MACROD2: variants seen among roughly 807,000 people sequenced by gnomAD.
MACROD2 encodes the protein mono-ADP ribosylhydrolase 2, also known as ADP-ribose glycohydrolase MACROD2.
MACROD2 carries 36 observed loss-of-function variants against 70.4 expected under a neutral mutation model. The ratio of observed to expected loss-of-function variants is 0.51; its 90% CI spans 0.39 to 0.68. The LOEUF is 0.68. Among genes scored for constraint, MACROD2 ranks in the 30% least tolerant of loss-of-function variants. The pLI, the probability that MACROD2 is intolerant of heterozygous loss-of-function variation, is 0.00. For synonymous variants in MACROD2, 172 were observed against 178.8 expected (o/e 0.96, Z 0.30); for missense variants, 496 against 538.4 (o/e 0.92, Z 0.78).
chr20:15,007,597 GA>G (rs1369842249), intron 5 of MACROD2, among the ~76,000 whole-genome samples: 1 of 152,172 alleles, frequency 6.6e-6, no homozygotes, highest in Non-Finnish European at 1.5e-5. Flanking sequence ...AAGTTAAAGG[GA>G]TTTAATATAG....
chr20:15,184,063 G>A lies in MACROD2; in HGVS notation c.419-45877G>A, dbSNP rs1003457381. Among the ~76,000 whole-genome samples the A allele has an allele frequency of 5.3e-5, 8 of 150,388 alleles. No individual in the cohort carries two copies. In the South Asian group the frequency reaches 8.6e-4, roughly 16 times the overall value. On this transcript the variant is annotated intron_variant, in intron 5 of 17. Transcript: ENST00000684519. ...GATGCTACTCAGTCTGAATCATTCC[G>A]GATAGCGAATGTTTCAAGGAACCCT... is the stretch of plus-strand genomic sequence containing the variant.
chr20:15,619,243 G>T (rs970712332), intron 8 of MACROD2, among the ~76,000 whole-genome samples: 3 of 152,202 alleles, frequency 2.0e-5, no homozygotes, highest in Non-Finnish European at 4.4e-5. Context: ...CAAGAAGGAG[G>T]TTTGTTTTGG....
intron 5 of MACROD2, among the ~76,000 whole-genome samples, chr20:14,740,172 A>G (rs1398393692): frequency 1.3e-5 from 2 of 152,156 alleles, no homozygotes; most frequent in Non-Finnish European, 2.9e-5. Context: ...AGAATGGGCT[A>G]TTTATTATAT....
intron 8 of MACROD2, among the ~76,000 whole-genome samples, chr20:15,576,628 A>G (rs1352189499): frequency 6.7e-6 from 1 of 150,224 alleles, no homozygotes; most frequent in South Asian, 2.1e-4. Context: ...GGTGAGGCTC[A>G]CTCTGAATCT....
At chr20:15,941,085 A>T (rs1332789438) in intron 12 of MACROD2, among the ~76,000 whole-genome samples, 1 of 152,208 alleles carries the variant, frequency 6.6e-6, no homozygotes, top group Non-Finnish European at 1.5e-5. Flanking sequence ...AACTCACACC[A>T]TTAATTGCTT....
At chr20:14,123,589 C>G (rs2054610708) in intron 3 of MACROD2, among the ~76,000 whole-genome samples, 1 of 152,146 alleles carries the variant, frequency 6.6e-6, no homozygotes, top group Admixed American at 6.6e-5. Flanking sequence ...TAGATACCAG[C>G]CTACCTAACG....
At chr20:14,944,069 G>C (rs1317744426) in intron 5 of MACROD2, among the ~76,000 whole-genome samples, 1 of 152,094 alleles carries the variant, frequency 6.6e-6, no homozygotes, top group Non-Finnish European at 1.5e-5. Flanking sequence ...TCAGAATATA[G>C]AACAGTTTTA....
chr20:14,729,173 C>G (rs6034021), intron 5 of MACROD2, among the ~76,000 whole-genome samples: 141,020 of 152,164 alleles, frequency 0.93, 65,405 homozygotes, highest in East Asian at 1. Flanking sequence ...ATATGAATTT[C>G]ATCTGTTATT....
At chr20:16,023,188 G>A (rs1408758988) in intron 15 of MACROD2, among the ~76,000 whole-genome samples, 1 of 151,854 alleles carries the variant, frequency 6.6e-6, no homozygotes, top group Non-Finnish European at 1.5e-5. Context: ...TATAAGAGAT[G>A]GTGCCATCCG....
At chr20:15,157,464 A>G (rs2076317482) in intron 5 of MACROD2, among the ~76,000 whole-genome samples, 1 of 151,742 alleles carries the variant, frequency 6.6e-6, no homozygotes, top group Non-Finnish European at 1.5e-5. Flanking sequence ...TTCAGCCATA[A>G]AAATGGTTAT....
At chr20:14,967,555 G>A (rs1474234626) in intron 5 of MACROD2, among the ~76,000 whole-genome samples, 1 of 152,094 alleles carries the variant, frequency 6.6e-6, no homozygotes, top group Non-Finnish European at 1.5e-5. Context: ...TTATTTCTCA[G>A]TCTGTGTCTT....
chr20:14,638,905 G>A (rs1375657385), intron 4 of MACROD2, among the ~76,000 whole-genome samples: 2 of 150,620 alleles, frequency 1.3e-5, no homozygotes, highest in East Asian at 2.0e-4. Flanking sequence ...AGCCAAGATC[G>A]TGCCACAGCA....
rs185989667 is a variant in MACROD2, at chr20:15,052,468, A to G, written c.419-177472A>G. Among the ~76,000 whole-genome samples, 23 of 152,264 alleles carry G rather than the reference A, an allele frequency of 1.5e-4. No homozygotes were observed. The East Asian group carries it at 3.5e-3, about 23-fold the overall frequency. On this transcript the variant is annotated intron_variant, in intron 5 of 17. Transcript: ENST00000684519. ...TTTTGATAATTCTCTCAATATCTCA[A>G]ACTTTTTTGTTATTCTTATCTATTT...
intron 3 of MACROD2, chr20:14,325,607 G>A (rs371199834): frequency 1.2e-6 from 2 of 1,613,344 alleles, no homozygotes; most frequent in Non-Finnish European, 1.7e-6. Context: ...CTGTAGCTTC[G>A]GTTACTACTG....
At chr20:14,881,176 G>A (rs1008405597) in intron 5 of MACROD2, among the ~76,000 whole-genome samples, 4 of 151,768 alleles carry the variant, frequency 2.6e-5, no homozygotes, top group Non-Finnish European at 5.9e-5. Context: ...GCCCTTGTCA[G>A]TGGGATCTTC....
At chr20:15,966,244 G>A (rs1269059115) in intron 12 of MACROD2, among the ~76,000 whole-genome samples, 1 of 152,152 alleles carries the variant, frequency 6.6e-6, no homozygotes, top group Non-Finnish European at 1.5e-5. Context: ...CACAAATTCA[G>A]TAGAGAACAC....
chr20:15,228,234 A>G (rs1261163618), intron 5 of MACROD2, among the ~76,000 whole-genome samples: 1 of 152,018 alleles, frequency 6.6e-6, no homozygotes, highest in East Asian at 1.9e-4. Context: ...CTTCACTTCT[A>G]TATTGTAGTG....
chr20:14,195,363 A>G (rs1285299600), intron 3 of MACROD2, among the ~76,000 whole-genome samples: 1 of 151,912 alleles, frequency 6.6e-6, no homozygotes, highest in Non-Finnish European at 1.5e-5. Flanking sequence ...TGTCCCTCTG[A>G]TACAGAAATG....
chr20:15,689,669 G>C (rs1252904028), intron 8 of MACROD2, among the ~76,000 whole-genome samples: 7 of 152,158 alleles, frequency 4.6e-5, no homozygotes, highest in African/African-American at 1.7e-4. Context: ...AGTGAGCCCT[G>C]GGGGAGGAGT....
Sources: allele counts gnomAD v4.1 joint callset (sites outside exome capture counted in the v4.1 genomes callset), GRCh38; gene constraint gnomAD v4.1.1; transcripts MANE v1.5; gene names NCBI Gene and HGNC (gene_info 2026-07-23, HGNC 2026-07-21).